The following PTCH1 variants were observed in gnomAD, a reference collection of about 807,000 sequenced individuals.
The protein encoded by PTCH1 is protein patched homolog 1.
PTCH1 carries 14 observed loss-of-function variants against 144.6 expected under a neutral mutation model. The ratio of observed to expected loss-of-function variants is 0.10; its 90% CI spans 0.06 to 0.15. The LOEUF (loss-of-function observed/expected upper bound fraction) is 0.15. PTCH1 is among the 10% of genes least tolerant of loss of function. The probability of loss-of-function intolerance (pLI) is 1.00; values close to 1 mark genes in which losing one functional copy is unlikely to be tolerated. For missense variants in PTCH1, 1,623 were observed against 1,948.3 expected (o/e 0.83, Z 3.14); for synonymous variants, 833 against 793.6 (o/e 1.05, Z -0.83).
rs1413568470 is a variant in PTCH1 at position 95,446,892 on chromosome 9, C to T, written c.*1+19G>A. The stretch of plus-strand genomic sequence containing the variant: ...GCCTGGCTCTAGGTCCCTTGGCTGC[C>T]CTTGTCAGTGGCACTCACCTCAGTT... On this transcript the variant is annotated intron_variant, in intron 23 of 23. Coordinates refer to ENST00000331920, the MANE Select transcript of PTCH1 (RefSeq NM_000264.5). 6.2e-7 allele frequency: 1 copy of T among 1,613,334 alleles called. No individual in the cohort carries two copies.
chr9:95,447,400 G>A lies in PTCH1; in HGVS notation c.3856C>T (p.Pro1286Ser), dbSNP rs2136583938. The change falls in exon 23 of 24, where the codon CCC becomes TCC. Residue 1286 changes from proline to serine, a missense_variant. Transcript: ENST00000331920. ...GGCAGGGACCCTGAGTCCAGGTGGG[G>A]CTGCTGTCTCGGGTTCGAGGGTGGG... ...HHPPSNPRQQ[P>S]HLDSGSLPPG... 2 of 1,609,136 alleles carry A rather than the reference G, an allele frequency of 1.2e-6. No individual in the cohort carries two copies. Among genetic ancestry groups the A allele is most frequent in the Non-Finnish European group, 1.7e-6 (2 of 1,177,634 alleles).
At chr9:95,453,259 G>A in intron 20 of PTCH1, 3 of 563,582 alleles carry the variant, frequency 5.3e-6, no homozygotes, top group East Asian at 3.7e-5. Flanking sequence ...AGCCTCCCAA[G>A]TAGCTGGGAT....
rs111662939 is a variant in PTCH1 at position 95,480,652 on chromosome 9, C to T, written c.747-64G>A. 1.2e-4 allele frequency: 181 copies of T among 1,515,274 alleles called. No individual in the cohort carries two copies. The African/African-American group carries it at 1.7e-3, about 15-fold the overall frequency. 93.9% of individuals were successfully genotyped at this position (1,515,274 alleles called of 1,614,324 possible). A position where few individuals can be genotyped will look rare whatever the true frequency, so the allele number is the denominator to read the frequency against. ...CTTCTAAACGCATCGTAAAGTAACA[C>T]GGCTGCGCCCACTGCATCCACCTTG... On this transcript the variant is annotated intron_variant, in intron 5 of 23. Coordinates refer to ENST00000331920, the MANE Select transcript of PTCH1 (RefSeq NM_000264.5).
chr9:95,447,448 C>T lies in PTCH1; in HGVS notation c.3808G>A (p.Val1270Ile), dbSNP rs938997251. 3.8e-6 allele frequency: 6 copies of T among 1,581,304 alleles called. No individual in the cohort carries two copies. The African/African-American group carries it at 8.1e-5, about 21-fold the overall frequency. Residue 1270 changes from valine (V) to isoleucine (I), a missense_variant, in exon 23 of 24, where the codon GTC (valine) becomes ATC (isoleucine). Val to Ile is a conservative substitution (Grantham distance 29, BLOSUM62 3). Transcript: ENST00000331920. ...ENPVFAHSTV[V>I]HPESRHHPPS... is the part of the protein sequence containing the mutation. ...GGGTGATGCCTGGATTCGGGATGGA[C>T]CACCTGCAGAGGGTGAGGGTGGGTT...
chr9:95,456,429 C>T lies in PTCH1; in HGVS notation c.3169-16G>A, dbSNP rs2136650857. 1.2e-6 allele frequency: 2 copies of T among 1,613,122 alleles called. No individual in the cohort carries two copies. The highest frequency in any genetic ancestry group is 1.7e-6 in the Non-Finnish European group (2 of 1,179,750). ...GGACCATCACCTGGAGCAGGGCACA[C>T]AGTGGTCAGTGGGCGGGCAGGTCAC... On this transcript the variant is annotated splice_polypyrimidine_tract_variant and intron_variant, in intron 18 of 23. Coordinates refer to ENST00000331920, the MANE Select transcript of PTCH1 (RefSeq NM_000264.5).
chr9:95,467,608 G>T (rs1015815180), intron 14 of PTCH1, among the ~76,000 whole-genome samples, 183 bp from the exon 15 acceptor site: 6 of 152,110 alleles, frequency 3.9e-5, no homozygotes, highest in Non-Finnish European at 7.4e-5. Flanking sequence ...ATTTTGTTTT[G>T]TTTTATATAT....
At chr9:95,480,306 G>A (rs935210493) in intron 6 of PTCH1, 84 bp downstream of exon 6, 7 of 1,557,628 alleles carry the variant, frequency 4.5e-6, no homozygotes, top group Non-Finnish European at 4.4e-6. Context: ...TGTTAAAAAT[G>A]AAAATAATAA....
intron 2 of PTCH1, among the ~76,000 whole-genome samples, chr9:95,504,968 A>T (rs1354666545): frequency 2.0e-5 from 3 of 152,204 alleles, no homozygotes; most frequent in Non-Finnish European, 2.9e-5. Context: ...CCCTTCTTTT[A>T]TCTACCAGTG....
At chr9:95,466,323 A>AG (rs1317719688) in intron 15 of PTCH1, among the ~76,000 whole-genome samples, 24 of 152,254 alleles carry the variant, frequency 1.6e-4, no homozygotes, top group African/African-American at 5.8e-4. Context: ...CTGGGATTAC[A>AG]GGCGTGAGCC....
intron 17 of PTCH1, among the ~76,000 whole-genome samples, chr9:95,459,011 T>C (rs1208449669): frequency 2.6e-5 from 4 of 152,146 alleles, no homozygotes; most frequent in Non-Finnish European, 4.4e-5. Context: ...CATCCTCCCT[T>C]GGCCCGGTAT....
Position 95,476,301 on chromosome 9 carries a change from G to A in PTCH1, c.1603-142C>T. ...TGGCATTAGGGAAACAGAGCCACCT[G>A]CCTTACCCCCTAACACCAGCATTAT... is the stretch of plus-strand genomic sequence containing the variant. On this transcript the variant is annotated intron_variant, in intron 11 of 23. Transcript: ENST00000331920. The surrounding 1 kb of genome is among the most constrained non-coding windows in gnomAD (Gnocchi z 4.6). The A allele has an allele frequency of 8.4e-7, 1 of 1,195,994 alleles. No individual in the cohort carries two copies. 74.1% of individuals were successfully genotyped at this position (1,195,994 alleles called of 1,614,324 possible).
At chr9:95,490,040 G>A (rs1442584822) in intron 2 of PTCH1, among the ~76,000 whole-genome samples, 1 of 147,588 alleles carries the variant, frequency 6.8e-6, no homozygotes, top group African/African-American at 2.5e-5. Flanking sequence ...CTGACCTTGT[G>A]ATCCGCCCAC....
rs1314964820 is a variant in PTCH1 at position 95,449,773 on chromosome 9, G to C, written c.3549+68C>G. The C allele has an allele frequency of 1.1e-5, 15 of 1,419,076 alleles. No individual in the cohort carries two copies. The highest frequency in any genetic ancestry group is 1.4e-5 in the Non-Finnish European group (14 of 1,008,402). 87.9% of individuals were successfully genotyped at this position (1,419,076 alleles called of 1,614,324 possible). ...TGGGGAGGCACCTAAGTATCGAAGT[G>C]AAGAGCGGCACAGGAAACACAGCAT... On this transcript the variant is annotated intron_variant, in intron 21 of 23. Transcript: ENST00000331920. The surrounding 1 kb of genome is among the most constrained non-coding windows in gnomAD (Gnocchi z 5.3).
chr9:95,472,621 C>T (rs62558340), intron 12 of PTCH1, among the ~76,000 whole-genome samples: 33,644 of 152,042 alleles, frequency 0.22, 3,940 homozygotes, highest in Non-Finnish European at 0.24. Context: ...AGCAGAGGTT[C>T]GTGACACAGG....
chr9:95,505,250 A>G (rs553862995), intron 2 of PTCH1, among the ~76,000 whole-genome samples: 11 of 152,216 alleles, frequency 7.2e-5, no homozygotes, highest in Non-Finnish European at 1.5e-4. Flanking sequence ...GATTATGCGC[A>G]TAACTCTTCA....
intron 2 of PTCH1, among the ~76,000 whole-genome samples, chr9:95,492,143 C>G (rs1463675354): frequency 6.6e-6 from 1 of 152,126 alleles, no homozygotes; most frequent in Non-Finnish European, 1.5e-5. Context: ...TTTCTTCTCA[C>G]CTAAAAAAAT....
rs1374700325 is a variant in PTCH1, at chr9:95,476,843, G to A, written c.1518C>T (p.Leu506=). 4.3e-6 allele frequency: 7 copies of A among 1,613,928 alleles called. No individual in the cohort carries two copies. The highest frequency in any genetic ancestry group is 1.3e-5 in the African/African-American group (1 of 75,024). Residue 506 remains leucine (L), a synonymous_variant, in exon 11 of 24, where the codon CTC becomes CTT. Transcript: ENST00000331920. This position sits in a 1 kb window ranked among gnomAD's most constrained non-coding sequence, Gnocchi z 4.6. ...CATCATCCACACCAACACCAAGAGC[G>A]AGAAATGGCAAAACCTACAGCAAAA... ...NAATTQVLPF[L]ALGVGVDDVF... is the part of the protein sequence containing the mutation.
chr9:95,516,648 C>T lies in PTCH1; in HGVS notation c.-177G>A, dbSNP rs748017538. On this transcript the variant is annotated 5_prime_UTR_variant, in exon 1 of 23. Coordinates refer to the PTCH1 transcript ENST00000430669. ...CTTGTCGCTGCGGGTCTCTTTGTCT[C>T]CCCTGTCGTCTTTTTCTTCTCCTCC... 10 of 1,611,996 alleles carry T rather than the reference C, an allele frequency of 6.2e-6. No homozygotes were observed. The Admixed American group carries it at 1.5e-4, about 24-fold the overall frequency.
intron 1 of PTCH1, chr9:95,507,953 C>T: frequency 1.4e-6 from 2 of 1,467,466 alleles, no homozygotes; most frequent in Non-Finnish European, 9.0e-7. Flanking sequence ...CTGCGGACCT[C>T]AGACAGCCCT....
Sources: allele counts gnomAD v4.1 joint callset (sites outside exome capture counted in the v4.1 genomes callset), GRCh38; gene constraint gnomAD v4.1.1; non-coding constraint Gnocchi (gnomAD v3.1); transcripts MANE v1.5; gene names NCBI Gene and HGNC (gene_info 2026-07-23, HGNC 2026-07-21).